MPG: variants seen among roughly 807,000 people sequenced by gnomAD.
The protein encoded by MPG is DNA-3-methyladenine glycosylase.
A neutral mutation model predicts 31.7 loss-of-function variants in MPG; 33 were observed. That is an observed-to-expected ratio of 1.04 (90% CI 0.79 to 1.39). The LOEUF (loss-of-function observed/expected upper bound fraction) is 1.39. Ranked by LOEUF, MPG falls within the 40% of genes most tolerant of loss-of-function variation. MPG has a pLI of 0.00. For missense variants in MPG, 455 were observed against 415.5 expected (o/e 1.10, Z -0.83); for synonymous variants, 202 against 169.2 (o/e 1.19, Z -1.51).
Position 85,483 on chromosome 16 carries a change from G to A in MPG, c.588G>A (p.Arg196=), listed in dbSNP as rs747746976. 10 of 1,613,080 alleles carry A rather than the reference G, an allele frequency of 6.2e-6. No individual in the cohort carries two copies. The Admixed American group carries it at 1.7e-4, about 27-fold the overall frequency. ...ETMRQLRSTL[R]KGTASRVLKD... ...TGCGTCAGCTTCGCAGCACCCTCCG[G>A]AAAGGCACCGCCAGCCGTGTCCTCA... is the stretch of plus-strand genomic sequence containing the variant. The change falls in exon 4 of 4, where the codon CGG becomes CGA. Residue 196 remains arginine, a synonymous_variant. Transcript: ENST00000356432.
chr16:85,260 G>C (rs1898395858), intron 3 of MPG, 141 bp from the exon 4 acceptor site: 1 of 980,718 alleles, frequency 1.0e-6, no homozygotes, highest in Non-Finnish European at 1.5e-6. Context: ...CCAGGAGATG[G>C]TGCAGGTGCA....
chr16:84,268 G>A (rs1156274533), intron 3 of MPG: 2 of 152,326 alleles, frequency 1.3e-5, no homozygotes, highest in Non-Finnish European at 2.9e-5. Context: ...GGAACTTAAA[G>A]GCTTTGCTTG....
At chr16:81,207 A>G (rs1287521416) in intron 2 of MPG, among the ~76,000 whole-genome samples, 1 of 152,208 alleles carries the variant, frequency 6.6e-6, no homozygotes, top group East Asian at 1.9e-4. Context: ...AGGCTCTGCC[A>G]ACAAGGAAGA....
chr16:79,363 C>A lies in MPG; in HGVS notation c.25-62C>A, dbSNP rs754432727. 4 of 1,613,812 alleles carry A rather than the reference C, an allele frequency of 2.5e-6. No individual in the cohort carries two copies. The African/African-American group carries it at 4.0e-5, about 16-fold the overall frequency. On this transcript the variant is annotated intron_variant, in intron 1 of 3. Transcript: ENST00000356432. The stretch of plus-strand genomic sequence containing the variant: ...AGATCCAGTCCTTGCACTTCCTGAG[C>A]CTGACCTTACCACACAGCTGTCTCC...
At chr16:83,424 C>A in intron 3 of MPG, 168 bp downstream of exon 3, 1 of 698,364 alleles carries the variant, frequency 1.4e-6, no homozygotes, top group Non-Finnish European at 2.4e-6. Flanking sequence ...CGGGGCAGGG[C>A]TGGTTAGGTT....
intron 2 of MPG, among the ~76,000 whole-genome samples, chr16:81,017 C>T (rs1345717243): frequency 6.6e-6 from 1 of 152,198 alleles, no homozygotes; most frequent in Non-Finnish European, 1.5e-5. Flanking sequence ...GGGTGTCTCA[C>T]CCTGTGTCCC....
chr16:83,421 G>A (rs1567125155), intron 3 of MPG, 165 bp downstream of exon 3: 1 of 712,800 alleles, frequency 1.4e-6, no homozygotes, highest in Non-Finnish European at 2.3e-6. Context: ...TGACGGGGCA[G>A]GGCTGGTTAG....
chr16:85,446 G>T lies in MPG; in HGVS notation c.551G>T (p.Gly184Val), dbSNP rs1898407961. The T allele has an allele frequency of 1.9e-6, 3 of 1,612,794 alleles. No individual in the cohort carries two copies. Among genetic ancestry groups the T allele is most frequent in the Non-Finnish European group, 2.5e-6 (3 of 1,179,918 alleles). The change falls in exon 4 of 4, where the codon GGT (glycine) becomes GTT (valine). Residue 184 changes from glycine (G) to valine (V), a missense_variant. Transcript: ENST00000356432. The stretch of plus-strand genomic sequence containing the variant: ...CTGCGAGCACTGGAGCCCCTGGAAG[G>T]TCTGGAGACCATGCGTCAGCTTCGC... ...VLLRALEPLE[G>V]LETMRQLRST...
chr16:85,403 G>A lies in MPG; in HGVS notation c.508G>A (p.Asp170Asn), dbSNP rs1218261127. Reference protein sequence around the residue: ...YFCMNISSQGDGACVLLRALE... With the variant: ...YFCMNISSQGNGACVLLRALE... ...CTTCCAAACTGTCCGTCCCACAGGG[G>A]ACGGGGCTTGCGTCTTGCTGCGAGC... Residue 170 changes from aspartate (D) to asparagine (N), a missense_variant and splice_region_variant, in exon 4 of 4, where the codon GAC becomes AAC. Transcript: ENST00000356432. The A allele has an allele frequency of 1.9e-6, 3 of 1,602,984 alleles. No individual in the cohort carries two copies. The highest frequency in any genetic ancestry group is 3.4e-5 in the Admixed American group (2 of 59,418).
At chr16:82,626 G>A (rs992734483) in intron 2 of MPG, among the ~76,000 whole-genome samples, 2 of 152,244 alleles carry the variant, frequency 1.3e-5, no homozygotes, top group Non-Finnish European at 2.9e-5. Flanking sequence ...GGTAGCTGGT[G>A]TGGGGACATC....
chr16:82,931 C>T (rs1319005750), intron 2 of MPG, 121 bp from the exon 3 acceptor site: 6 of 816,268 alleles, frequency 7.4e-6, no homozygotes, highest in East Asian at 2.7e-5. Flanking sequence ...GGGCAAGGTC[C>T]CTGGCTAGAC....
chr16:83,053 T>A lies in MPG; in HGVS notation c.302T>A (p.Val101Asp). Residue 101 changes from valine to aspartate, a missense_variant and splice_region_variant, in exon 3 of 4, where the codon GTC becomes GAC. Val to Asp is a radical substitution (Grantham distance 152). Coordinates refer to ENST00000356432, the MANE Select transcript of MPG (RefSeq NM_001015052.3). ...VPLARAFLGQ[V>D]LVRRLPNGTE... Reference sequence around the variant, plus strand: ...TGAGCAGAAACTGACTGCCCACAGGTCCTAGTCCGGCGACTTCCTAATGGC... The same window carrying A: ...TGAGCAGAAACTGACTGCCCACAGGACCTAGTCCGGCGACTTCCTAATGGC... 1.3e-6 allele frequency: 2 copies of A among 1,594,304 alleles called. No homozygotes were observed. Among genetic ancestry groups the A allele is most frequent in the Non-Finnish European group, 1.7e-6 (2 of 1,168,626 alleles).
At chr16:78,402 CGCGGGA>C in intron 1 of MPG, 69 bp downstream of exon 1, 1 of 1,157,916 alleles carries the variant, frequency 8.6e-7, no homozygotes, top group African/African-American at 1.6e-5. Context: ...CGAGCGCGGC[CGCGGGA>C]GCGGGAGTGC....
chr16:81,433 G>A (rs1898232103), intron 2 of MPG, among the ~76,000 whole-genome samples: 1 of 152,176 alleles, frequency 6.6e-6, no homozygotes. Context: ...GCCCCTGGAG[G>A]GGCATTCCCT....
chr16:84,159 T>A (rs1898347499), intron 3 of MPG: 1 of 152,142 alleles, frequency 6.6e-6, no homozygotes, highest in African/African-American at 2.4e-5. Flanking sequence ...CCCACAGGGA[T>A]GTAGAGGGTC....
At position 81,826 on chromosome 16, in the gene MPG, T is replaced by C. The variant is rs2541625; in HGVS notation, c.301-1226T>C. ...CTGACCCCTTCTTCCCACCACCCTA[T>C]CTCCGGGAAGGCCTCCTGAATGCTC... is the stretch of plus-strand genomic sequence containing the variant. On this transcript the variant is annotated intron_variant, in intron 2 of 3. Transcript: ENST00000356432. 9.9e-3 allele frequency among the ~76,000 whole-genome samples: 288 copies of C among 29,108 alleles called. 2 individuals are homozygous for C. Among genetic ancestry groups the C allele is most frequent in the African/African-American group, 0.041 (175 of 4,218 alleles). The allele number at this position is 29,108 out of a possible 152,430, so 19.1% of individuals were successfully genotyped here.
At chr16:81,548 G>A (rs1898235184) in intron 2 of MPG, among the ~76,000 whole-genome samples, 2 of 37,970 alleles carry the variant, frequency 5.3e-5, no homozygotes, top group Admixed American at 6.5e-4. Flanking sequence ...GATGCCTAAG[G>A]ATTTCTGGGC....
chr16:80,441 A>G (rs1179725384), intron 2 of MPG, among the ~76,000 whole-genome samples: 1 of 152,244 alleles, frequency 6.6e-6, no homozygotes, highest in Non-Finnish European at 1.5e-5. Flanking sequence ...AGCAGACCCT[A>G]GAATGTGGGC....
intron 3 of MPG, among the ~76,000 whole-genome samples, chr16:84,103 G>A (rs566093200): frequency 9.1e-4 from 139 of 152,270 alleles, no homozygotes; most frequent in African/African-American, 3.2e-3. Context: ...ATTTGCAGGC[G>A]GCTCTGTGGG....
Sources: allele counts gnomAD v4.1 joint callset (sites outside exome capture counted in the v4.1 genomes callset), GRCh38; gene constraint gnomAD v4.1.1; transcripts MANE v1.5; gene names NCBI Gene and HGNC (gene_info 2026-07-23, HGNC 2026-07-21).